SHISA9: variants seen among roughly 807,000 people sequenced by gnomAD.
SHISA9 encodes protein shisa-9.
Under a neutral mutation model 38.0 loss-of-function variants are expected in SHISA9, and 13 were observed. That is an observed-to-expected ratio of 0.34 (90% confidence interval 0.22 to 0.54). SHISA9 has a LOEUF of 0.54. Among genes scored for constraint, SHISA9 ranks in the 20% least tolerant of loss-of-function variants. The pLI, the probability that SHISA9 is intolerant of heterozygous loss-of-function variation, is 0.91. For missense variants in SHISA9, 538 were observed against 575.8 expected (o/e 0.93, Z 0.67); for synonymous variants, 275 against 242.0 (o/e 1.14, Z -1.27).
At chr16:13,419,560 G>C in the SHISA9 span, among the ~76,000 whole-genome samples, 4 of 152,336 alleles carry the variant, frequency 2.6e-5, no homozygotes, top group East Asian at 5.8e-4. Context: ...AGACATGTGG[G>C]AAGTCTAGAT....
At chr16:13,013,605 T>A (rs2072704980) in intron 2 of SHISA9, among the ~76,000 whole-genome samples, 1 of 152,202 alleles carries the variant, frequency 6.6e-6, no homozygotes, top group South Asian at 2.1e-4. Flanking sequence ...GTAGGAAGGG[T>A]GTCTCCTAAA....
chr16:13,516,316 C>T, the SHISA9 span, among the ~76,000 whole-genome samples: 1 of 152,228 alleles, frequency 6.6e-6, no homozygotes. Context: ...GGTTCATAAT[C>T]ACCCTGGACC....
At chr16:13,524,906 T>G in the SHISA9 span, among the ~76,000 whole-genome samples, 676 of 152,220 alleles carry the variant, frequency 4.4e-3, 8 homozygotes, top group African/African-American at 0.016. Context: ...TGGCCTCCAA[T>G]CACTAAATGC....
the SHISA9 span, among the ~76,000 whole-genome samples, chr16:13,477,370 G>C: frequency 6.6e-6 from 1 of 152,182 alleles, no homozygotes; most frequent in African/African-American, 2.4e-5. Flanking sequence ...AAAGGAAAAG[G>C]AAATGGATTT....
the SHISA9 span, among the ~76,000 whole-genome samples, chr16:13,489,730 G>T: frequency 6.6e-6 from 1 of 152,170 alleles, no homozygotes; most frequent in African/African-American, 2.4e-5. Flanking sequence ...CCAGTCTCAG[G>T]TATGTCTTTA....
chr16:13,431,591 G>T, the SHISA9 span, among the ~76,000 whole-genome samples: 1 of 152,018 alleles, frequency 6.6e-6, no homozygotes, highest in African/African-American at 2.4e-5. Context: ...CCAACACAAT[G>T]CCCAGTGGTC....
At chr16:13,436,326 T>C in the SHISA9 span, among the ~76,000 whole-genome samples, 2 of 152,220 alleles carry the variant, frequency 1.3e-5, no homozygotes, top group African/African-American at 4.8e-5. Context: ...GGTCATTATA[T>C]GCTAACCATA....
chr16:13,450,122 A>AAATACACACAAAGCTCGCC, the SHISA9 span, among the ~76,000 whole-genome samples: 5 of 152,296 alleles, frequency 3.3e-5, no homozygotes, highest in South Asian at 2.1e-4. Context: ...GTGTAAAAAA[A>AAATACACACAAAGCTCGCC]AATACACACA....
chr16:13,182,141 C>T (rs1201931558), intron 2 of SHISA9, among the ~76,000 whole-genome samples: 1 of 152,170 alleles, frequency 6.6e-6, no homozygotes, highest in African/African-American at 2.4e-5. Flanking sequence ...ATAGGTTTCA[C>T]CTAAGTTGCC....
intron 2 of SHISA9, among the ~76,000 whole-genome samples, chr16:12,954,505 G>T (rs4780485): frequency 3.3e-5 from 5 of 152,004 alleles, no homozygotes; most frequent in African/African-American, 4.8e-5. Context: ...GTTTGATGGA[G>T]GACAGGTTAT....
Position 13,203,478 on chromosome 16 carries a change from A to C in SHISA9, c.776A>C (p.Gln259Pro), listed in dbSNP as rs537554312. 6 of 1,551,336 alleles carry C rather than the reference A, an allele frequency of 3.9e-6. No homozygotes were observed. Among genetic ancestry groups the C allele is most frequent in the Non-Finnish European group, 5.2e-6 (6 of 1,146,782 alleles). Reference sequence around the variant, plus strand: ...CCACATTCGTACCCGAACCTGGGCCAGATCTCCAACCCCTATGAACAGCAG... The same window carrying C: ...CCACATTCGTACCCGAACCTGGGCCCGATCTCCAACCCCTATGAACAGCAG... ...GHPHSYPNLG[Q>P]ISNPYEQQPP... The change falls in exon 3 of 5, where the codon CAG becomes CCG. Residue 259 changes from glutamine to proline, a missense_variant. Transcript: ENST00000558583.
At chr16:12,974,242 T>TC (rs2072124573) in intron 2 of SHISA9, among the ~76,000 whole-genome samples, 1 of 152,118 alleles carries the variant, frequency 6.6e-6, no homozygotes, top group Non-Finnish European at 1.5e-5. Flanking sequence ...CTTGGGCCAC[T>TC]CCTTGGCCAG....
intron 1 of SHISA9, among the ~76,000 whole-genome samples, chr16:12,906,718 T>C (rs1393681248): frequency 6.6e-6 from 1 of 152,182 alleles, no homozygotes; most frequent in Admixed American, 6.5e-5. Flanking sequence ...AATCATAACA[T>C]AACTTCACTA....
At chr16:12,944,690 G>T (rs1403477865) in intron 2 of SHISA9, among the ~76,000 whole-genome samples, 1 of 152,122 alleles carries the variant, frequency 6.6e-6, no homozygotes, top group Non-Finnish European at 1.5e-5. Context: ...AGCAGCTGTG[G>T]AACTTAAATG....
intron 2 of SHISA9, among the ~76,000 whole-genome samples, chr16:13,137,079 T>C (rs1245103610): frequency 6.6e-6 from 1 of 152,238 alleles, no homozygotes; most frequent in Non-Finnish European, 1.5e-5. Flanking sequence ...CAACAGAATG[T>C]ATCCTTTCCC....
chr16:12,939,061 C>G (rs1034304782), intron 2 of SHISA9, among the ~76,000 whole-genome samples: 1 of 151,900 alleles, frequency 6.6e-6, no homozygotes, highest in Non-Finnish European at 1.5e-5. Flanking sequence ...CTCCTCTCCC[C>G]TCCTCTCCTT....
At chr16:12,965,439 C>T (rs2071964931) in intron 2 of SHISA9, among the ~76,000 whole-genome samples, 1 of 152,230 alleles carries the variant, frequency 6.6e-6, no homozygotes, top group Non-Finnish European at 1.5e-5. Flanking sequence ...AACTACCGAT[C>T]TCCTTTCTGT....
chr16:13,304,082 A>G, the SHISA9 span, among the ~76,000 whole-genome samples: 7 of 152,150 alleles, frequency 4.6e-5, no homozygotes, highest in African/African-American at 1.2e-4. Context: ...TTCTGACTAT[A>G]CTACAGCTTT....
At chr16:13,264,756 C>A in the SHISA9 span, among the ~76,000 whole-genome samples, 1 of 152,016 alleles carries the variant, frequency 6.6e-6, no homozygotes. Flanking sequence ...CAGCACTGAG[C>A]ACAGAACCCT....
Sources: allele counts gnomAD v4.1 joint callset (sites outside exome capture counted in the v4.1 genomes callset), GRCh38; gene constraint gnomAD v4.1.1; transcripts MANE v1.5; gene names NCBI Gene and HGNC (gene_info 2026-07-23, HGNC 2026-07-21).